Variants in ANXA10 observed in about 807,000 individuals in gnomAD.
ANXA10 encodes the protein annexin 14.
Under a neutral mutation model 53.5 loss-of-function variants are expected in ANXA10, and 49 were observed. That is an observed-to-expected ratio of 0.92 (90% confidence interval 0.73 to 1.16). ANXA10 has a LOEUF of 1.16. Among genes scored for constraint, ANXA10 ranks in the 50% most tolerant of loss-of-function variants. The probability of loss-of-function intolerance (pLI) is 0.00; values close to 1 mark genes in which losing one functional copy is unlikely to be tolerated. For missense variants in ANXA10, 393 were observed against 394.4 expected, an observed-to-expected ratio of 1.00 and a Z score of 0.03; for synonymous variants, 131 against 128.9, an observed-to-expected ratio of 1.02 and a Z score of -0.11.
chr4:168,141,877 A>G (rs1408202749), intron 3 of ANXA10, among the ~76,000 whole-genome samples: 6 of 151,894 alleles, frequency 4.0e-5, no homozygotes, highest in Non-Finnish European at 7.4e-5. Flanking sequence ...TTCCCTGCCT[A>G]GTTTCCACCC....
At position 168,092,572 on chromosome 4, in the gene ANXA10, T is replaced by C; in HGVS notation, c.-129T>C. 1.1e-6 allele frequency: 1 copy of C among 896,056 alleles called. No individual in the cohort carries two copies. Among genetic ancestry groups the C allele is most frequent in the Non-Finnish European group, 1.7e-6 (1 of 581,126 alleles). The allele number at this position is 896,056 out of a possible 1,614,324, so 55.5% of individuals were successfully genotyped here. ...GCTTTTACATTTTCTTGCCTGAGTC[T>C]GAGGTGAACAGTGAACATATTTACA... is the stretch of plus-strand genomic sequence containing the variant. On this transcript the variant is annotated 5_prime_UTR_variant, in exon 1 of 12. Transcript: ENST00000359299.
intron 3 of ANXA10, among the ~76,000 whole-genome samples, chr4:168,148,864 T>G (rs1020882105): frequency 6.6e-6 from 1 of 152,188 alleles, no homozygotes; most frequent in African/African-American, 2.4e-5. Context: ...AATATTTTTA[T>G]TATTTCCTCA....
intron 2 of ANXA10, among the ~76,000 whole-genome samples, chr4:168,130,562 G>A (rs971266302): frequency 3.3e-5 from 5 of 151,932 alleles, no homozygotes; most frequent in African/African-American, 1.2e-4. Flanking sequence ...TTTCTTAAAA[G>A]TTTGGTAGAA....
At position 168,135,069 on chromosome 4, in the gene ANXA10, G is replaced by T. The variant is rs1056055431; in HGVS notation, c.101-4417G>T. Among the ~76,000 whole-genome samples, 2 of 152,162 alleles carry T rather than the reference G, an allele frequency of 1.3e-5. 1 individual carries two copies. Among genetic ancestry groups the T allele is most frequent in the South Asian group, 4.1e-4 (2 of 4,832 alleles). On this transcript the variant is annotated intron_variant, in intron 2 of 11. Transcript: ENST00000359299. ...TATACCAGATGGAATTAAACAGCAAGGAAGATTCTGCAGTAGGGATCAAGA... is the reference window on the plus strand; with the variant it reads ...TATACCAGATGGAATTAAACAGCAATGAAGATTCTGCAGTAGGGATCAAGA...
At chr4:168,140,399 G>A (rs765025878) in intron 3 of ANXA10, among the ~76,000 whole-genome samples, 1 of 152,148 alleles carries the variant, frequency 6.6e-6, no homozygotes, top group African/African-American at 2.4e-5. Context: ...GCTTTAGATT[G>A]AATTAATAAT....
intron 6 of ANXA10, among the ~76,000 whole-genome samples, chr4:168,165,967 A>G (rs1273101978): frequency 1.3e-5 from 2 of 152,218 alleles, no homozygotes; most frequent in Non-Finnish European, 1.5e-5. Context: ...GTGAGCCACC[A>G]TGCCCAGCCT....
chr4:168,139,538 A>G lies in ANXA10; in HGVS notation c.153A>G (p.Gln51=), dbSNP rs747350655. Residue 51 remains glutamine, a synonymous_variant, in exon 3 of 12, where the codon CAA becomes CAG. Transcript: ENST00000359299. ...TTCTGACTCAGCGCTGCAATGCACA[A>G]AGGATGATGATTGCAGAGGCATACC... ...INILTQRCNA[Q]RMMIAEAYQS... 3 of 1,613,064 alleles carry G rather than the reference A, an allele frequency of 1.9e-6. No individual in the cohort carries two copies. The highest frequency in any genetic ancestry group is 2.7e-5 in the African/African-American group (2 of 74,926).
At chr4:168,171,520 A>AT (rs908235011) in intron 6 of ANXA10, among the ~76,000 whole-genome samples, 10 of 151,912 alleles carry the variant, frequency 6.6e-5, no homozygotes, top group Admixed American at 2.6e-4. Flanking sequence ...AGACACACCC[A>AT]TTTTTTTTGA....
chr4:168,155,639 TATAATTATAC>T, intron 3 of ANXA10, among the ~76,000 whole-genome samples: 4 of 75,960 alleles, frequency 5.3e-5, no homozygotes, highest in Non-Finnish European at 9.2e-5. Context: ...TATAATTATA[TATAATTATAC>T]ATTATATAGT....
intron 1 of ANXA10, among the ~76,000 whole-genome samples, chr4:168,098,661 A>G (rs1053835430): frequency 1.3e-5 from 2 of 152,120 alleles, no homozygotes; most frequent in Non-Finnish European, 2.9e-5. Context: ...GGCAGAGTAA[A>G]ACTTGCTTCC....
At chr4:168,146,236 T>C (rs964641158) in intron 3 of ANXA10, among the ~76,000 whole-genome samples, 42 of 152,116 alleles carry the variant, frequency 2.8e-4, no homozygotes, top group Admixed American at 7.2e-4. Flanking sequence ...TAAAACTGCA[T>C]GATGGTCAGA....
intron 11 of ANXA10, among the ~76,000 whole-genome samples, chr4:168,185,273 T>C (rs759825002): frequency 9.2e-5 from 14 of 152,240 alleles, no homozygotes; most frequent in Non-Finnish European, 2.1e-4. Context: ...TTCTCTATAA[T>C]TGTGCTTAAA....
intron 1 of ANXA10, among the ~76,000 whole-genome samples, chr4:168,115,288 T>C (rs961851799): frequency 6.6e-6 from 1 of 152,018 alleles, no homozygotes; most frequent in African/African-American, 2.4e-5. Flanking sequence ...ATACCTTCAC[T>C]CCCCCAAAAT....
intron 6 of ANXA10, among the ~76,000 whole-genome samples, chr4:168,173,161 A>C (rs1415955394): frequency 6.6e-6 from 1 of 152,216 alleles, no homozygotes; most frequent in East Asian, 1.9e-4. Flanking sequence ...TATGGATAAA[A>C]GAATGAGTTA....
chr4:168,168,085 C>T (rs140458885), intron 6 of ANXA10, among the ~76,000 whole-genome samples: 36 of 152,266 alleles, frequency 2.4e-4, no homozygotes, highest in African/African-American at 7.7e-4. Flanking sequence ...AAAGTAAATG[C>T]CATTTCTCAA....
chr4:168,168,671 G>A (rs565388742), intron 6 of ANXA10, among the ~76,000 whole-genome samples: 102 of 152,120 alleles, frequency 6.7e-4, no homozygotes, highest in Admixed American at 2.6e-3. Context: ...CGCCCGCCTC[G>A]GCCTCCCAAA....
chr4:168,168,738 T>C (rs1018139417), intron 6 of ANXA10, among the ~76,000 whole-genome samples: 4 of 152,118 alleles, frequency 2.6e-5, no homozygotes, highest in African/African-American at 7.2e-5. Context: ...ATTTCAAAGC[T>C]GTGAAAAAGA....
At chr4:168,147,540 C>T (rs1437595620) in intron 3 of ANXA10, among the ~76,000 whole-genome samples, 1 of 152,212 alleles carries the variant, frequency 6.6e-6, no homozygotes, top group African/African-American at 2.4e-5. Flanking sequence ...CTGTGGAAAG[C>T]ATCCCCTCCA....
chr4:168,156,011 TTA>T (rs1480945638), intron 3 of ANXA10, among the ~76,000 whole-genome samples: 1 of 45,056 alleles, frequency 2.2e-5, no homozygotes, highest in East Asian at 5.5e-4. Context: ...ATATTATATG[TTA>T]TATATAATAT....
Sources: allele counts gnomAD v4.1 joint callset (sites outside exome capture counted in the v4.1 genomes callset), GRCh38; gene constraint gnomAD v4.1.1; transcripts MANE v1.5; gene names NCBI Gene and HGNC (gene_info 2026-07-23, HGNC 2026-07-21).